The following MSH3 variants were observed in gnomAD, a reference collection of about 807,000 sequenced individuals.
The protein encoded by MSH3 is mutS homolog 3, also known as DNA mismatch repair protein Msh3.
Under a neutral mutation model 123.3 loss-of-function variants are expected in MSH3, and 106 were observed. The ratio of observed to expected loss-of-function variants is 0.86; its 90% CI spans 0.73 to 1.01. The LOEUF (loss-of-function observed/expected upper bound fraction) is 1.01, where lower values mean the gene tolerates loss of function less well. MSH3 is among the 50% of genes least tolerant of loss of function. The pLI is 0.00. For synonymous variants in MSH3, 515 were observed against 481.4 expected, an observed-to-expected ratio of 1.07 and a Z score of -0.91; for missense variants, 1,459 against 1,347.6, an observed-to-expected ratio of 1.08 and a Z score of -1.29.
intron 20 of MSH3, among the ~76,000 whole-genome samples, chr5:80,819,512 C>T (rs1209214477): frequency 5.5e-5 from 8 of 145,272 alleles, no homozygotes; most frequent in Non-Finnish European, 1.0e-4. Context: ...GAGTTTCGCT[C>T]CTGTCGCCCA....
chr5:80,717,765 AT>A (rs905396023), intron 8 of MSH3, among the ~76,000 whole-genome samples: 8 of 147,286 alleles, frequency 5.4e-5, no homozygotes, highest in East Asian at 2.0e-4. Context: ...TAATGAGAGC[AT>A]TTTTTTTTTC....
chr5:80,729,460 G>GTGTATATATATA (rs1277559108), intron 10 of MSH3, among the ~76,000 whole-genome samples: 1 of 95,022 alleles, frequency 1.1e-5, no homozygotes, highest in Non-Finnish European at 2.0e-5. Context: ...GTGTGTGTGT[G>GTGTATATATATA]TATATATATA....
intron 22 of MSH3, among the ~76,000 whole-genome samples, chr5:80,866,092 G>T (rs1311935154): frequency 6.6e-6 from 1 of 152,198 alleles, no homozygotes; most frequent in Non-Finnish European, 1.5e-5. Flanking sequence ...CTAACCCAGA[G>T]CATTGTACCT....
chr5:80,778,679 C>A (rs777924722), intron 16 of MSH3, 41 bp from the exon 17 acceptor site: 4 of 1,183,144 alleles, frequency 3.4e-6, no homozygotes, highest in Non-Finnish European at 5.1e-6. Flanking sequence ...GGATTTTTTA[C>A]TAACCTTGAT....
Position 80,847,358 on chromosome 5 carries a change from A to T in MSH3, c.2814-6772A>T, listed in dbSNP as rs866948830. On this transcript the variant is annotated intron_variant, in intron 20 of 23. Coordinates refer to ENST00000265081, the MANE Select transcript of MSH3 (RefSeq NM_002439.5). ...TATAGGCCACTGCACCTGGCTGAAT[A>T]TTTTTTTTTTTTTTGAGCCTGTCTC... is the stretch of plus-strand genomic sequence containing the variant. Among the ~76,000 whole-genome samples the T allele has an allele frequency of 5.1e-3, 715 of 141,322 alleles. 5 individuals carry two copies. The highest frequency in any genetic ancestry group is 0.016 in the African/African-American group (639 of 38,832). The allele number at this position is 141,322 out of a possible 152,430, so 92.7% of individuals were successfully genotyped here.
chr5:80,776,077 A>G (rs1476097275), intron 16 of MSH3, among the ~76,000 whole-genome samples: 1 of 151,918 alleles, frequency 6.6e-6, no homozygotes, highest in Admixed American at 6.6e-5. Flanking sequence ...TTTAGTAGAG[A>G]CGGGGTTTCA....
At chr5:80,767,579 T>C (rs1238118942) in intron 13 of MSH3, among the ~76,000 whole-genome samples, 2 of 152,156 alleles carry the variant, frequency 1.3e-5, no homozygotes, top group Non-Finnish European at 1.5e-5. Flanking sequence ...AAGAGCCTAT[T>C]ATGTTTGGGA....
chr5:80,743,560 C>CTCAACTCAAGTGGAAA (rs1265970061), intron 11 of MSH3, among the ~76,000 whole-genome samples: 2 of 62,680 alleles, frequency 3.2e-5, no homozygotes. Context: ...ATTAAAAAAA[C>CTCAACTCAAGTGGAAA]CCGGCCGGGC....
At chr5:80,846,144 C>T (rs918653076) in intron 20 of MSH3, among the ~76,000 whole-genome samples, 2 of 152,134 alleles carry the variant, frequency 1.3e-5, no homozygotes, top group African/African-American at 4.8e-5. Context: ...TGTTAATTTT[C>T]CTTCTAACAG....
chr5:80,813,774 TGAAAA>T (rs1745051658), intron 20 of MSH3, 33 bp downstream of exon 20: 3 of 1,610,530 alleles, frequency 1.9e-6, no homozygotes, highest in Non-Finnish European at 2.5e-6. Context: ...CATATATTCT[TGAAAA>T]TAAGTCAAGC....
rs146125481 is a variant in MSH3, at chr5:80,838,366, T to G, written c.2814-15764T>G. Among the ~76,000 whole-genome samples, 498 of 152,320 alleles carry G rather than the reference T, an allele frequency of 3.3e-3. 3 individuals carry two copies. Among genetic ancestry groups the G allele is most frequent in the African/African-American group, 0.011 (464 of 41,574 alleles). On this transcript the variant is annotated intron_variant, in intron 20 of 23. Transcript: ENST00000265081. ...CTGACTCCATGACTGACTATCCTTT[T>G]GAGCACTAAACCTCAGTCTCCTCAT...
chr5:80,806,712 CCTCT>C (rs1462956519), intron 19 of MSH3, among the ~76,000 whole-genome samples: 1 of 152,094 alleles, frequency 6.6e-6, no homozygotes, highest in Non-Finnish European at 1.5e-5. Context: ...AGCTTTTGCT[CCTCT>C]CTCTATTTTA....
At chr5:80,832,898 T>C (rs1745444498) in intron 20 of MSH3, among the ~76,000 whole-genome samples, 1 of 152,084 alleles carries the variant, frequency 6.6e-6, no homozygotes, top group South Asian at 2.1e-4. Flanking sequence ...TCCCTTATAC[T>C]AGCATTTTCC....
At chr5:80,801,762 A>G (rs1476961653) in intron 19 of MSH3, among the ~76,000 whole-genome samples, 1 of 152,168 alleles carries the variant, frequency 6.6e-6, no homozygotes, top group Non-Finnish European at 1.5e-5. Flanking sequence ...TATTCAAGCA[A>G]TGTACCTGAA....
chr5:80,805,088 GTGAAGTTTTTATT>G (rs1212895028), intron 19 of MSH3, among the ~76,000 whole-genome samples: 2 of 152,192 alleles, frequency 1.3e-5, no homozygotes, highest in Non-Finnish European at 2.9e-5. Flanking sequence ...TCTCCAGAAA[GTGAAGTTTTTATT>G]TGAAGTTTGT....
chr5:80,840,650 G>T (rs1479447230), intron 20 of MSH3, among the ~76,000 whole-genome samples: 1 of 152,018 alleles, frequency 6.6e-6, no homozygotes, highest in African/African-American at 2.4e-5. Context: ...CAACGTACAG[G>T]TTTGTTACAT....
chr5:80,673,723 C>T (rs1363587478), intron 6 of MSH3, among the ~76,000 whole-genome samples: 1 of 152,112 alleles, frequency 6.6e-6, no homozygotes, highest in East Asian at 1.9e-4. Flanking sequence ...TAAGAATTTT[C>T]AATGTGCATA....
chr5:80,791,719 TGA>T (rs1275540894), intron 18 of MSH3, among the ~76,000 whole-genome samples: 1 of 152,224 alleles, frequency 6.6e-6, no homozygotes, highest in African/African-American at 2.4e-5. Flanking sequence ...GTGTGTGTAC[TGA>T]GAGTTAAAAT....
rs757055203 is a variant in MSH3, at chr5:80,656,546, A to G, written c.358+15A>G. The G allele has an allele frequency of 3.1e-6, 5 of 1,613,798 alleles. No individual in the cohort carries two copies. In the African/African-American group the frequency reaches 5.3e-5, roughly 17 times the overall value. On this transcript the variant is annotated intron_variant, in intron 2 of 23. Transcript: ENST00000265081. ...TGGCAACTCTGGTGAGTTGTGGGGG[A>G]TTCTTTTTTCTCCTCAGTCATGGCT...
Sources: gnomAD v4.1 joint callset for allele counts (sites outside exome capture counted in the v4.1 genomes callset) on GRCh38, gnomAD v4.1.1 for gene constraint, MANE v1.5 for transcripts, NCBI Gene and HGNC (gene_info 2026-07-23, HGNC 2026-07-21) for gene names.